The following GRID2 variants were observed in gnomAD, a reference collection of about 807,000 sequenced individuals.
GRID2 encodes glutamate ionotropic receptor delta type subunit 2, also known as glutamate receptor ionotropic, delta-2.
GRID2 carries 33 observed loss-of-function variants against 114.8 expected under a neutral mutation model. The observed-to-expected ratio is 0.29, with a 90% CI of 0.22 to 0.38. GRID2 has a LOEUF of 0.38. Ranked by LOEUF, GRID2 falls within the 10% of genes least tolerant of loss-of-function variation. The pLI, the probability that GRID2 is intolerant of heterozygous loss-of-function variation, is 1.00. For missense variants in GRID2, 1,184 were observed against 1,257.7 expected (o/e 0.94, Z 0.89); for synonymous variants, 505 against 449.9 (o/e 1.12, Z -1.55).
chr4:93,285,704 T>C (rs1753083032), intron 8 of GRID2, among the ~76,000 whole-genome samples: 2 of 152,030 alleles, frequency 1.3e-5, no homozygotes, highest in South Asian at 4.1e-4. Flanking sequence ...ATTAGCAATA[T>C]CATAATATTT....
At position 92,726,721 on chromosome 4, in the gene GRID2, A is replaced by G. The variant is rs113591652; in HGVS notation, c.244+136435A>G. On this transcript the variant is annotated intron_variant, in intron 2 of 15. Coordinates refer to ENST00000282020, the MANE Select transcript of GRID2 (RefSeq NM_001510.4). Reference sequence around the variant, plus strand: ...TAGCCCATCTTTTGATAAAGTTACTAAAGCAGTTAATCCATATCGATTAAG... The same window carrying G: ...TAGCCCATCTTTTGATAAAGTTACTGAAGCAGTTAATCCATATCGATTAAG... Among the ~76,000 whole-genome samples the G allele has an allele frequency of 1.1e-3, 162 of 152,236 alleles. 2 individuals are homozygous for G. The highest frequency in any genetic ancestry group is 3.7e-3 in the African/African-American group (153 of 41,566).
intron 2 of GRID2, among the ~76,000 whole-genome samples, chr4:92,956,200 A>G (rs886303931): frequency 1.3e-5 from 2 of 152,224 alleles, no homozygotes; most frequent in African/African-American, 4.8e-5. Context: ...AGAACAGTGC[A>G]CTTGCTACAA....
At chr4:92,907,537 G>A (rs947062698) in intron 2 of GRID2, among the ~76,000 whole-genome samples, 16 of 151,816 alleles carry the variant, frequency 1.1e-4, no homozygotes, top group Non-Finnish European at 7.4e-5. Context: ...TCAGTCCCCC[G>A]AGTAGCTGGG....
rs541787940 is a variant in GRID2 at position 92,416,314 on chromosome 4, G to A, written c.88+111570G>A. Among the ~76,000 whole-genome samples the A allele has an allele frequency of 2.4e-4, 36 of 151,982 alleles. No individual in the cohort carries two copies. The South Asian group carries it at 3.1e-3, about 13-fold the overall frequency. Reference sequence around the variant, plus strand: ...AGATTCTGGATATTCGTCCTTTGTCGGATGCATAGTTTGCAAATATTTTCT... The same window carrying A: ...AGATTCTGGATATTCGTCCTTTGTCAGATGCATAGTTTGCAAATATTTTCT... On this transcript the variant is annotated intron_variant, in intron 1 of 15. Transcript: ENST00000282020.
intron 13 of GRID2, among the ~76,000 whole-genome samples, chr4:93,543,244 C>G (rs73839581): frequency 7.6e-4 from 115 of 151,932 alleles, no homozygotes; most frequent in African/African-American, 2.7e-3. Flanking sequence ...AGTTTGAAGG[C>G]AAAGTAATCT....
intron 1 of GRID2, among the ~76,000 whole-genome samples, chr4:92,493,027 G>A (rs1437249107): frequency 6.6e-6 from 1 of 151,230 alleles, no homozygotes; most frequent in East Asian, 2.0e-4. Context: ...TACTCATTAG[G>A]CTGAGGTCGG....
chr4:92,805,553 A>T (rs1037160488), intron 2 of GRID2, among the ~76,000 whole-genome samples: 2 of 152,052 alleles, frequency 1.3e-5, no homozygotes, highest in African/African-American at 4.8e-5. Flanking sequence ...AATAAAATGT[A>T]TTTTGGAGAC....
chr4:93,724,299 C>T (rs1443514564), intron 14 of GRID2, among the ~76,000 whole-genome samples: 1 of 152,098 alleles, frequency 6.6e-6, no homozygotes, highest in Non-Finnish European at 1.5e-5. Flanking sequence ...ACAATCCTTG[C>T]AATGGGAAGG....
chr4:92,944,499 A>G (rs1751454006), intron 2 of GRID2, among the ~76,000 whole-genome samples: 1 of 152,174 alleles, frequency 6.6e-6, no homozygotes, highest in African/African-American at 2.4e-5. Context: ...AGGAAAGGGA[A>G]TTCCCTGACC....
At position 92,488,924 on chromosome 4, in the gene GRID2, C is replaced by A. The variant is rs75712407; in HGVS notation, c.89-101207C>A. ...CCCTCTCTGTGCTTGTCTGAAACTG[C>A]GACTACAGTAGAACAACAGAGCCTA... On this transcript the variant is annotated intron_variant, in intron 1 of 15. Transcript: ENST00000282020. Among the ~76,000 whole-genome samples, 73 of 152,230 alleles carry A rather than the reference C, an allele frequency of 4.8e-4. No individual in the cohort carries two copies. The East Asian group carries it at 0.013, about 28-fold the overall frequency.
At chr4:92,538,745 A>C (rs1021593394) in intron 1 of GRID2, among the ~76,000 whole-genome samples, 1 of 152,212 alleles carries the variant, frequency 6.6e-6, no homozygotes, top group Non-Finnish European at 1.5e-5. Context: ...ATAATGTATT[A>C]AATGGATACA....
At chr4:93,665,931 C>G (rs1044752284) in intron 14 of GRID2, among the ~76,000 whole-genome samples, 10 of 152,118 alleles carry the variant, frequency 6.6e-5, no homozygotes, top group African/African-American at 2.2e-4. Context: ...ATTACGTCTT[C>G]CTGGAAGTCA....
chr4:92,570,274 A>C (rs537001144), intron 1 of GRID2, among the ~76,000 whole-genome samples: 2 of 151,788 alleles, frequency 1.3e-5, no homozygotes, highest in East Asian at 3.9e-4. Context: ...ATAGTTGTTT[A>C]GTCTTATTTT....
rs11287355 is a variant in GRID2 at position 93,328,129 on chromosome 4, C to CA, written c.1246-67468dup. On this transcript the variant is annotated intron_variant, in intron 8 of 15. Transcript: ENST00000282020. The stretch of plus-strand genomic sequence containing the variant: ...CAAGACTCCGTCTCAAAAACAAAAA[C>CA]AAAAAAAAAACAAAAAACATGTCCT... Among the ~76,000 whole-genome samples, 566 of 148,162 alleles carry CA rather than the reference C, an allele frequency of 3.8e-3. 2 individuals are homozygous for CA. The highest frequency in any genetic ancestry group is 0.021 in the Middle Eastern group (6 of 290).
intron 1 of GRID2, among the ~76,000 whole-genome samples, chr4:92,393,589 T>G (rs1730353945): frequency 6.6e-6 from 1 of 152,168 alleles, no homozygotes; most frequent in Admixed American, 6.6e-5. Context: ...TATATAATTT[T>G]GTGCTTCATT....
intron 8 of GRID2, among the ~76,000 whole-genome samples, chr4:93,284,894 A>G (rs1353664855): frequency 5.9e-5 from 9 of 152,078 alleles, no homozygotes; most frequent in Non-Finnish European, 1.2e-4. Flanking sequence ...TGGGCCATAT[A>G]GATACTCAAT....
At chr4:93,736,538 G>C (rs992239345) in intron 14 of GRID2, among the ~76,000 whole-genome samples, 14 of 151,984 alleles carry the variant, frequency 9.2e-5, no homozygotes, top group Non-Finnish European at 1.8e-4. Context: ...TTAGCAGAAG[G>C]TAAGCCTGCT....
chr4:92,438,940 T>C (rs1235739690), intron 1 of GRID2, among the ~76,000 whole-genome samples: 8 of 152,158 alleles, frequency 5.3e-5, no homozygotes, highest in Non-Finnish European at 1.0e-4. Context: ...TCTCCAACAC[T>C]GGTGTCTTGC....
rs566027002 is a variant in GRID2, at chr4:93,509,628, C to G, written c.1998-5588C>G. Among the ~76,000 whole-genome samples, 492 of 152,102 alleles carry G rather than the reference C, an allele frequency of 3.2e-3. 2 individuals are homozygous for G. The highest frequency in any genetic ancestry group is 6.0e-3 in the Non-Finnish European group (408 of 67,972). ...TTTTGGAGAAGTTTAAATAATTTTC[C>G]CAAAGATTGAAACACAAATATTTAT... On this transcript the variant is annotated intron_variant, in intron 12 of 15. Coordinates refer to ENST00000282020, the MANE Select transcript of GRID2 (RefSeq NM_001510.4).
Sources: allele counts gnomAD v4.1 joint callset (sites outside exome capture counted in the v4.1 genomes callset), GRCh38; gene constraint gnomAD v4.1.1; transcripts MANE v1.5; gene names NCBI Gene and HGNC (gene_info 2026-07-23, HGNC 2026-07-21).